The following ERBB4 variants were observed in gnomAD, a reference collection of about 807,000 sequenced individuals.
ERBB4 encodes the protein receptor tyrosine-protein kinase erbB-4.
Under a neutral mutation model 158.0 loss-of-function variants are expected in ERBB4, and 42 were observed. The ratio of observed to expected loss-of-function variants is 0.27; its 90% CI spans 0.21 to 0.34. The LOEUF (loss-of-function observed/expected upper bound fraction) is 0.34. Among genes scored for constraint, ERBB4 ranks in the 10% least tolerant of loss-of-function variants. The pLI, the probability that ERBB4 is intolerant of heterozygous loss-of-function variation, is 1.00. For synonymous variants in ERBB4, 583 were observed against 558.7 expected (o/e 1.04, Z -0.61); for missense variants, 1,333 against 1,624.1 (o/e 0.82, Z 3.08).
chr2:211,929,471 C>A (rs1198866954), intron 3 of ERBB4, among the ~76,000 whole-genome samples: 1 of 152,028 alleles, frequency 6.6e-6, no homozygotes, highest in Non-Finnish European at 1.5e-5. Flanking sequence ...TCAAATAAAA[C>A]CCCTCCAGCA....
chr2:211,913,707 C>A lies in ERBB4; in HGVS notation c.421+33723G>T, dbSNP rs188937889. The stretch of plus-strand genomic sequence containing the variant: ...TGTATATATACATAGAGAGAGAGAG[C>A]AATAAAATTTGGTATAGTGTCTATC... On this transcript the variant is annotated intron_variant, in intron 3 of 27. Coordinates refer to ENST00000342788, the MANE Select transcript of ERBB4 (RefSeq NM_005235.3). Among the ~76,000 whole-genome samples, 440 of 142,832 alleles carry A rather than the reference C, an allele frequency of 3.1e-3. 2 individuals carry two copies. The highest frequency in any genetic ancestry group is 4.0e-3 in the Admixed American group (56 of 14,090). The allele number at this position is 142,832 out of a possible 152,430, so 93.7% of individuals were successfully genotyped here.
intron 2 of ERBB4, among the ~76,000 whole-genome samples, chr2:212,075,789 T>C (rs1231641338): frequency 6.6e-6 from 1 of 151,934 alleles, no homozygotes; most frequent in Non-Finnish European, 1.5e-5. Flanking sequence ...TCATTTATTT[T>C]TGAATTTTAC....
chr2:212,088,478 T>G (rs2078680309), intron 2 of ERBB4, among the ~76,000 whole-genome samples: 1 of 152,140 alleles, frequency 6.6e-6, no homozygotes, highest in Non-Finnish European at 1.5e-5. Context: ...ACAAAATCAC[T>G]AAATGAAGAA....
intron 1 of ERBB4, among the ~76,000 whole-genome samples, chr2:212,188,132 C>T (rs983536625): frequency 6.8e-6 from 1 of 147,500 alleles, no homozygotes; most frequent in Admixed American, 7.0e-5. Context: ...GATCAGGTAG[C>T]CATCCATGTC....
intron 1 of ERBB4, among the ~76,000 whole-genome samples, chr2:212,402,738 A>G (rs1451472172): frequency 1.3e-5 from 2 of 152,130 alleles, no homozygotes; most frequent in Non-Finnish European, 2.9e-5. Context: ...GTATAAATAC[A>G]GGGGTTTGTA....
chr2:211,690,384 C>T (rs1361903392), intron 12 of ERBB4, among the ~76,000 whole-genome samples: 2 of 152,136 alleles, frequency 1.3e-5, no homozygotes, highest in Non-Finnish European at 2.9e-5. Context: ...TTTGATCTTT[C>T]GTTACATGCT....
At position 211,786,275 on chromosome 2, in the gene ERBB4, G is replaced by C. The variant is rs1046701405; in HGVS notation, c.556+1750C>G. Among the ~76,000 whole-genome samples, 8 of 152,256 alleles carry C rather than the reference G, an allele frequency of 5.3e-5. No individual in the cohort carries two copies. The East Asian group carries it at 1.5e-3, about 29-fold the overall frequency. On this transcript the variant is annotated intron_variant, in intron 4 of 27. Coordinates refer to ENST00000342788, the MANE Select transcript of ERBB4 (RefSeq NM_005235.3). The stretch of plus-strand genomic sequence containing the variant: ...TGAGATTACCTCTGGGGAGAAGACA[G>C]AGAAATAAATTGACTAAAGATAAAA...
intron 4 of ERBB4, among the ~76,000 whole-genome samples, chr2:211,752,034 T>C (rs2075145782): frequency 6.6e-6 from 1 of 152,216 alleles, no homozygotes; most frequent in Non-Finnish European, 1.5e-5. Context: ...TATAATATCC[T>C]GTCACTCTGC....
chr2:211,977,657 T>G (rs1207939931), intron 2 of ERBB4, among the ~76,000 whole-genome samples: 1 of 149,328 alleles, frequency 6.7e-6, no homozygotes, highest in Admixed American at 6.7e-5. Flanking sequence ...GCCAAAATGG[T>G]GAAACCCCAT....
intron 2 of ERBB4, among the ~76,000 whole-genome samples, chr2:212,003,514 G>C (rs2076189449): frequency 6.6e-6 from 1 of 151,946 alleles, no homozygotes; most frequent in Non-Finnish European, 1.5e-5. Context: ...TGACTTCCTA[G>C]AACTAAATGG....
chr2:211,854,328 T>C (rs1325573623), intron 3 of ERBB4, among the ~76,000 whole-genome samples: 2 of 152,130 alleles, frequency 1.3e-5, no homozygotes, highest in Non-Finnish European at 2.9e-5. Context: ...AAATATTATA[T>C]TGAAGTGTGC....
chr2:212,452,141 G>A (rs1189564651), intron 1 of ERBB4, among the ~76,000 whole-genome samples: 1 of 151,934 alleles, frequency 6.6e-6, no homozygotes, highest in African/African-American at 2.4e-5. Context: ...GAAGGGGGAG[G>A]ATGAAGGGAG....
At chr2:212,099,374 T>C (rs1559495417) in intron 2 of ERBB4, among the ~76,000 whole-genome samples, 1 of 152,044 alleles carries the variant, frequency 6.6e-6, no homozygotes, top group African/African-American at 2.4e-5. Context: ...TATCTAGTTA[T>C]AAGAAAATTA....
Position 211,913,619 on chromosome 2 carries a change from A to ATGTGTG in ERBB4, c.421+33805_421+33810dup, listed in dbSNP as rs34762084. 4.1e-3 allele frequency among the ~76,000 whole-genome samples: 544 copies of ATGTGTG among 132,744 alleles called. 3 individuals are homozygous for ATGTGTG. The highest frequency in any genetic ancestry group is 0.013 in the African/African-American group (437 of 34,744). 87.1% of individuals were successfully genotyped at this position (132,744 alleles called of 152,430 possible). ...CTATTTCAAAAAAATATATATATATATGTGTGTGTGTGTGTGTGTGTGTGT... is the reference window on the plus strand; with the variant it reads ...CTATTTCAAAAAAATATATATATATATGTGTGTGTGTGTGTGTGTGTGTGTGTGTGT... On this transcript the variant is annotated intron_variant, in intron 3 of 27. Transcript: ENST00000342788.
chr2:211,379,854 C>T lies in ERBB4; in HGVS notation c.*3761G>A, dbSNP rs563015496. 32 of 231,882 alleles carry T rather than the reference C, an allele frequency of 1.4e-4. No individual in the cohort carries two copies. Among genetic ancestry groups the T allele is most frequent in the African/African-American group, 6.8e-4 (31 of 45,338 alleles). The allele number at this position is 231,882 out of a possible 1,614,324, so 14.4% of individuals were successfully genotyped here. The stretch of plus-strand genomic sequence containing the variant: ...TACATCCTTCCCTGTCAGGCTTAAA[C>T]AATTTTAATTTTCTTTTCATTTTTG... On this transcript the variant is annotated 3_prime_UTR_variant, in exon 28 of 28. Transcript: ENST00000342788.
chr2:211,916,550 C>T (rs182411625), intron 3 of ERBB4, among the ~76,000 whole-genome samples: 1 of 152,044 alleles, frequency 6.6e-6, no homozygotes, highest in African/African-American at 2.4e-5. Flanking sequence ...AAAACAAATG[C>T]AAGAAGTGTT....
At chr2:212,041,875 A>G (rs1165192722) in intron 2 of ERBB4, among the ~76,000 whole-genome samples, 1 of 152,082 alleles carries the variant, frequency 6.6e-6, no homozygotes, top group African/African-American at 2.4e-5. Flanking sequence ...ACTTATAATT[A>G]CTGCATCAAC....
At chr2:211,664,884 G>A (rs751549172) in intron 15 of ERBB4, among the ~76,000 whole-genome samples, 2 of 152,036 alleles carry the variant, frequency 1.3e-5, no homozygotes, top group Non-Finnish European at 1.5e-5. Flanking sequence ...GTAATTTAAG[G>A]TAGTATTTAT....
chr2:211,833,534 C>A (rs2077270898), intron 3 of ERBB4, among the ~76,000 whole-genome samples: 1 of 151,916 alleles, frequency 6.6e-6, no homozygotes, highest in African/African-American at 2.4e-5. Flanking sequence ...AGACTCAGAT[C>A]TAGCTCTGAG....
Sources: allele counts gnomAD v4.1 joint callset (sites outside exome capture counted in the v4.1 genomes callset), GRCh38; gene constraint gnomAD v4.1.1; transcripts MANE v1.5; gene names NCBI Gene and HGNC (gene_info 2026-07-23, HGNC 2026-07-21).